Variants in PPP3CA observed in about 807,000 individuals in gnomAD.
PPP3CA encodes the protein protein phosphatase 3 catalytic subunit alpha, also known as CAM-PRP catalytic subunit.
A neutral mutation model predicts 66.5 loss-of-function variants in PPP3CA; 14 were observed. The observed-to-expected ratio is 0.21, with a 90% CI of 0.14 to 0.33. The LOEUF (loss-of-function observed/expected upper bound fraction) is 0.33, where lower values mean the gene tolerates loss of function less well. Among genes scored for constraint, PPP3CA ranks in the 10% least tolerant of loss-of-function variants. PPP3CA has a pLI of 1.00. For synonymous variants in PPP3CA, 232 were observed against 226.2 expected, an observed-to-expected ratio of 1.03 and a Z score of -0.23; for missense variants, 317 against 639.5, an observed-to-expected ratio of 0.50 and a Z score of 5.44.
intron 6 of PPP3CA, among the ~76,000 whole-genome samples, chr4:101,089,636 C>A (rs1048191236): frequency 6.6e-6 from 1 of 152,168 alleles, no homozygotes; most frequent in African/African-American, 2.4e-5. Flanking sequence ...AACACCAAAT[C>A]CAGCTGCCAG....
At chr4:101,313,910 A>C (rs1728801720) in intron 1 of PPP3CA, among the ~76,000 whole-genome samples, 1 of 152,224 alleles carries the variant, frequency 6.6e-6, no homozygotes. Context: ...TGATTAGTGA[A>C]CATATAAGAA....
intron 10 of PPP3CA, among the ~76,000 whole-genome samples, chr4:101,056,401 C>A (rs1292781090): frequency 6.6e-6 from 1 of 152,092 alleles, no homozygotes; most frequent in East Asian, 1.9e-4. Flanking sequence ...AAATAGTAAA[C>A]AGGAGTTGAC....
intron 2 of PPP3CA, among the ~76,000 whole-genome samples, chr4:101,109,396 G>C (rs1721584255): frequency 6.6e-6 from 1 of 150,702 alleles, no homozygotes; most frequent in Admixed American, 6.6e-5. Context: ...GACGCTGCCA[G>C]GATGTTTACA....
At chr4:101,302,717 T>C (rs1728418594) in intron 1 of PPP3CA, among the ~76,000 whole-genome samples, 1 of 152,162 alleles carries the variant, frequency 6.6e-6, no homozygotes, top group Non-Finnish European at 1.5e-5. Flanking sequence ...AACCAGTTAA[T>C]TTTCAATATT....
chr4:101,263,525 T>C (rs1273831641), intron 1 of PPP3CA, among the ~76,000 whole-genome samples: 1 of 152,090 alleles, frequency 6.6e-6, no homozygotes, highest in East Asian at 1.9e-4. Flanking sequence ...TTACTGTCAA[T>C]TAAGGTAACT....
intron 1 of PPP3CA, among the ~76,000 whole-genome samples, chr4:101,236,799 A>G (rs962405499): frequency 6.6e-6 from 1 of 151,842 alleles, no homozygotes; most frequent in Non-Finnish European, 1.5e-5. Context: ...TAAGTGACAC[A>G]GATTGAAGAC....
intron 10 of PPP3CA, among the ~76,000 whole-genome samples, chr4:101,054,969 T>C (rs2110220640): frequency 6.6e-6 from 1 of 152,234 alleles, no homozygotes; most frequent in Admixed American, 6.5e-5. Context: ...TTCACTTTAT[T>C]ATTTTTTCTT....
chr4:101,035,610 G>A (rs1469851259), intron 11 of PPP3CA, among the ~76,000 whole-genome samples: 3 of 152,104 alleles, frequency 2.0e-5, no homozygotes, highest in Non-Finnish European at 4.4e-5. Context: ...AAGATTAAAT[G>A]ATACACTGTT....
At chr4:101,031,260 A>G (rs1220717960) in intron 12 of PPP3CA, among the ~76,000 whole-genome samples, 1 of 152,158 alleles carries the variant, frequency 6.6e-6, no homozygotes, top group Non-Finnish European at 1.5e-5. Flanking sequence ...CAGGGACAGA[A>G]AAGAAAATAC....
At chr4:101,297,715 A>G (rs1728241180) in intron 1 of PPP3CA, among the ~76,000 whole-genome samples, 1 of 152,180 alleles carries the variant, frequency 6.6e-6, no homozygotes, top group Admixed American at 6.5e-5. Context: ...CTTATGCAGG[A>G]ATATTCATCT....
intron 1 of PPP3CA, among the ~76,000 whole-genome samples, chr4:101,303,713 T>C (rs1377451966): frequency 6.6e-6 from 1 of 152,174 alleles, no homozygotes; most frequent in Non-Finnish European, 1.5e-5. Flanking sequence ...AGAAGTGGGA[T>C]AGGATCACTG....
chr4:101,344,285 T>C (rs1377592994), intron 1 of PPP3CA, among the ~76,000 whole-genome samples: 1 of 152,210 alleles, frequency 6.6e-6, no homozygotes, highest in Non-Finnish European at 1.5e-5. Context: ...GGAAATATTA[T>C]TTCACAGAAA....
chr4:101,127,762 A>T (rs971736416), intron 2 of PPP3CA, among the ~76,000 whole-genome samples: 4 of 152,236 alleles, frequency 2.6e-5, no homozygotes, highest in African/African-American at 9.6e-5. Context: ...AACAATAACA[A>T]CAACAACATT....
Position 101,178,272 on chromosome 4 carries a change from CT to C in PPP3CA, c.259+17643del, listed in dbSNP as rs141804325. On this transcript the variant is annotated intron_variant, in intron 2 of 13. Transcript: ENST00000394854. ...AAATGCAGTTGTTATGTGAAAGAAT[CT>C]AGAACACAAGCATGAATCCATGTTT... Among the ~76,000 whole-genome samples, 1,252 of 152,200 alleles carry C rather than the reference CT, an allele frequency of 8.2e-3. 17 individuals carry two copies. Among genetic ancestry groups the C allele is most frequent in the African/African-American group, 0.029 (1,203 of 41,542 alleles).
At chr4:101,086,354 A>G (rs1166027630) in intron 6 of PPP3CA, among the ~76,000 whole-genome samples, 1 of 152,174 alleles carries the variant, frequency 6.6e-6, no homozygotes, top group Non-Finnish European at 1.5e-5. Flanking sequence ...GAAGGTAGAA[A>G]AGAAAAAAAT....
chr4:101,050,271 G>T (rs889740548), intron 10 of PPP3CA, among the ~76,000 whole-genome samples: 1 of 152,128 alleles, frequency 6.6e-6, no homozygotes, highest in African/African-American at 2.4e-5. Flanking sequence ...TACTGTCCAT[G>T]GGCCAAATGG....
At chr4:101,052,670 C>G (rs1047971342) in intron 10 of PPP3CA, among the ~76,000 whole-genome samples, 1 of 151,794 alleles carries the variant, frequency 6.6e-6, no homozygotes, top group Non-Finnish European at 1.5e-5. Context: ...TTTTACACAT[C>G]TTTCTTTCCC....
At chr4:101,068,892 T>C (rs1328939091) in intron 8 of PPP3CA, among the ~76,000 whole-genome samples, 1 of 152,216 alleles carries the variant, frequency 6.6e-6, no homozygotes, top group East Asian at 1.9e-4. Context: ...AAGTCACTTA[T>C]GAAGATAGAC....
At chr4:101,294,960 T>C (rs1002635293) in intron 1 of PPP3CA, among the ~76,000 whole-genome samples, 6 of 152,068 alleles carry the variant, frequency 3.9e-5, no homozygotes, top group Non-Finnish European at 7.4e-5. Context: ...ATGGGATCAA[T>C]AGGCAATTAC....
Sources: gnomAD v4.1 joint callset for allele counts (sites outside exome capture counted in the v4.1 genomes callset) on GRCh38, gnomAD v4.1.1 for gene constraint, MANE v1.5 for transcripts, NCBI Gene and HGNC (gene_info 2026-07-23, HGNC 2026-07-21) for gene names.